Variants in STX1A observed in about 807,000 individuals in gnomAD.
STX1A encodes syntaxin-1A.
A neutral mutation model predicts 37.8 loss-of-function variants in STX1A; 4 were observed. The ratio of observed to expected loss-of-function variants is 0.11; its 90% CI spans 0.05 to 0.24. The LOEUF (loss-of-function observed/expected upper bound fraction) is 0.24, where lower values mean the gene tolerates loss of function less well. Among genes scored for constraint, STX1A ranks in the 10% least tolerant of loss-of-function variants. The probability of loss-of-function intolerance (pLI) is 1.00; values close to 1 mark genes in which losing one functional copy is unlikely to be tolerated. For synonymous variants in STX1A, 135 were observed against 147.4 expected, an observed-to-expected ratio of 0.92 and a Z score of 0.61; for missense variants, 251 against 399.9, an observed-to-expected ratio of 0.63 and a Z score of 3.18.
rs1554616498 is a variant in STX1A, at chr7:73,704,428, G to A, written c.284-5C>T. The A allele has an allele frequency of 6.2e-7, 1 of 1,614,080 alleles. No individual in the cohort carries two copies. The highest frequency in any genetic ancestry group is 1.1e-5 in the South Asian group (1 of 91,064). ...GCTCGATGGACTGCTCGATGCCTGG[G>A]GGCACAGGTGGCTGCTAAGTCATAA... is the stretch of plus-strand genomic sequence containing the variant. On this transcript the variant is annotated splice_region_variant and splice_polypyrimidine_tract_variant and intron_variant, in intron 4 of 9. Transcript: ENST00000222812.
At chr7:73,708,543 C>T (rs782405404) in intron 3 of STX1A, 46 bp downstream of exon 3, 57 of 1,573,006 alleles carry the variant, frequency 3.6e-5, no homozygotes, top group East Asian at 4.7e-5. Flanking sequence ...AGCCCCTTCC[C>T]GAGGCTTGTG....
In STX1A at chr7:73,705,843, A is replaced by C. The variant is rs1798852848; in HGVS notation, c.209-619T>G. ...CCCTCAGGTCCAAAGAGGTGGGCAC[A>C]GTTGGCCCTGGCCGTGGCAGGTAGC... On this transcript the variant is annotated intron_variant, in intron 3 of 9. Transcript: ENST00000222812. The surrounding 1 kb of genome is among the most constrained non-coding windows in gnomAD (Gnocchi z 5.2). The C allele has an allele frequency of 6.5e-6, 1 of 153,380 alleles. No homozygotes were observed. The highest frequency in any genetic ancestry group is 6.5e-5 in the Admixed American group (1 of 15,408). The allele number at this position is 153,380 out of a possible 1,614,324, so 9.5% of individuals were successfully genotyped here.
chr7:73,708,262 C>CAAA (rs1157786155), intron 3 of STX1A, among the ~76,000 whole-genome samples: 3 of 49,758 alleles, frequency 6.0e-5, no homozygotes, highest in Non-Finnish European at 1.2e-4. Flanking sequence ...GACTCCATCT[C>CAAA]AAAAAAAAAA....
chr7:73,703,389 G>T (rs1486888211), intron 7 of STX1A: 1 of 577,068 alleles, frequency 1.7e-6, no homozygotes, highest in South Asian at 1.5e-5. Flanking sequence ...CCCCAAGCCT[G>T]CCTCGAACAC....
Position 73,709,091 on chromosome 7 carries a change from G to A in STX1A, c.62C>T (p.Ala21Val), listed in dbSNP as rs567231961. The part of the protein sequence containing the change: ...AKDSDDDDDV[A>V]VTVDRDRFMD... ...GAAGCGGTCTCGGTCCACGGTGACA[G>A]CGACATCATCATCATCATCGCTGTC... The change falls in exon 2 of 10, where the codon GCT becomes GTT. Residue 21 changes from alanine (A) to valine (V), a missense_variant. This residue lies in a region of STX1A where 37 missense variants were observed against 32.3 expected (regional missense o/e 1.15). Transcript: ENST00000222812. The surrounding 1 kb of genome is among the most constrained non-coding windows in gnomAD (Gnocchi z 4.2). The A allele has an allele frequency of 3.2e-5, 51 of 1,613,990 alleles. 1 individual carries two copies. The South Asian group carries it at 5.6e-4, about 18-fold the overall frequency.
rs782731994 is a variant in STX1A, at chr7:73,704,345, C to T, written c.357+5G>A. 4.2e-5 allele frequency: 67 copies of T among 1,613,998 alleles called. No homozygotes were observed. The highest frequency in any genetic ancestry group is 3.9e-5 in the Non-Finnish European group (46 of 1,180,032). ...GCCCGCCCATCCTAGACTCCGTGGC[C>T]GCACCTGTGTCTTCCGGATCCTCAG... On this transcript the variant is annotated splice_donor_5th_base_variant and intron_variant, in intron 5 of 9. Coordinates refer to ENST00000222812, the MANE Select transcript of STX1A (RefSeq NM_004603.4).
intron 7 of STX1A, 61 bp from the exon 8 acceptor site, chr7:73,703,043 G>A (rs1187473254): frequency 3.5e-4 from 460 of 1,314,880 alleles, no homozygotes; most frequent in Non-Finnish European, 4.4e-4. Context: ...GCAGAGGGCC[G>A]AGGGGGAGGG....
Position 73,719,616 on chromosome 7 carries a change from G to C in STX1A, c.16C>G (p.Gln6Glu). 1 of 1,204,632 alleles carries C rather than the reference G, an allele frequency of 8.3e-7. No individual in the cohort carries two copies. Among genetic ancestry groups the C allele is most frequent in the Non-Finnish European group, 1.0e-6 (1 of 965,154 alleles). 74.6% of individuals were successfully genotyped at this position (1,204,632 alleles called of 1,614,324 possible). The change falls in exon 1 of 10, where the codon CAG (glutamine) becomes GAG (glutamate). Residue 6 changes from glutamine (Q) to glutamate (E), a missense_variant. Physicochemically the swap from Gln to Glu is conservative, Grantham distance 29. Transcript: ENST00000222812. The stretch of plus-strand genomic sequence containing the variant: ...GCCGGACTCACCGTGCGGAGCTCCT[G>C]GGTTCGGTCCTTCATGCTCCCGGGA... Reference protein sequence around the residue: MKDRTQELRTAKDSDD... With the variant: MKDRTEELRTAKDSDD...
chr7:73,713,930 G>A (rs185522840), intron 1 of STX1A, among the ~76,000 whole-genome samples: 1 of 152,286 alleles, frequency 6.6e-6, no homozygotes, highest in Admixed American at 6.5e-5. Flanking sequence ...TCTTACGGAC[G>A]GATGTGCCCA....
At chr7:73,701,554 C>T (rs1798656591) in intron 8 of STX1A, among the ~76,000 whole-genome samples, 1 of 151,936 alleles carries the variant, frequency 6.6e-6, no homozygotes, top group African/African-American at 2.4e-5. Flanking sequence ...AAAATAGAAC[C>T]CCCTGCCCAG....
In STX1A at chr7:73,709,399, C is replaced by T. The variant is rs1799011499; in HGVS notation, c.31-277G>A. Among the ~76,000 whole-genome samples the T allele has an allele frequency of 6.6e-6, 1 of 152,162 alleles. No homozygotes were observed. Among genetic ancestry groups the T allele is most frequent in the Non-Finnish European group, 1.5e-5 (1 of 68,020 alleles). ...AGGGACTTCCTCCCTCACCTATCTG[C>T]CTGCCCCCTCCCTGTGGCTGGGGAG... On this transcript the variant is annotated intron_variant, in intron 1 of 9. Coordinates refer to ENST00000222812, the MANE Select transcript of STX1A (RefSeq NM_004603.4). The surrounding 1 kb of genome is among the most constrained non-coding windows in gnomAD (Gnocchi z 4.2).
chr7:73,713,886 G>A (rs1232836353), intron 1 of STX1A, among the ~76,000 whole-genome samples: 1 of 152,222 alleles, frequency 6.6e-6, no homozygotes, highest in Non-Finnish European at 1.5e-5. Flanking sequence ...GGTGGCAGCT[G>A]GAACTGTGGG....
chr7:73,703,908 C>T, intron 6 of STX1A, 80 bp from the exon 7 acceptor site: 2 of 1,490,292 alleles, frequency 1.3e-6, no homozygotes, highest in Non-Finnish European at 9.0e-7. Flanking sequence ...CCCCTCCGTC[C>T]CAGGCCCGGG....
chr7:73,701,550 G>A (rs1452343754), intron 8 of STX1A, among the ~76,000 whole-genome samples: 3 of 150,834 alleles, frequency 2.0e-5, no homozygotes, highest in Non-Finnish European at 4.4e-5. Context: ...AAAAAAAATA[G>A]AACCCCCTGC....
intron 1 of STX1A, among the ~76,000 whole-genome samples, chr7:73,712,666 C>T (rs923470612): frequency 5.3e-5 from 8 of 152,146 alleles, no homozygotes; most frequent in Non-Finnish European, 1.0e-4. Context: ...CTCGGGCAGC[C>T]CCAACTGTTA....
intron 6 of STX1A, 122 bp downstream of exon 6, chr7:73,704,026 C>T (rs1584243131): frequency 2.4e-6 from 3 of 1,232,460 alleles, no homozygotes; most frequent in Admixed American, 4.7e-5. Context: ...TCAGCAGCTG[C>T]CTCGGGCCAC....
rs782175164 is a variant in STX1A at position 73,700,757 on chromosome 7, G to A, written c.762C>T (p.Ala254=). 31 of 1,613,704 alleles carry A rather than the reference G, an allele frequency of 1.9e-5. No homozygotes were observed. Among genetic ancestry groups the A allele is most frequent in the African/African-American group, 6.7e-5 (5 of 74,860 alleles). The change falls in exon 9 of 10, where the codon GCC becomes GCT. Residue 254 remains alanine, a synonymous_variant. Transcript: ENST00000222812. The surrounding 1 kb of genome is among the most constrained non-coding windows in gnomAD (Gnocchi z 4.4). The stretch of plus-strand genomic sequence containing the variant: ...GGCGCGCCTTGCTCTGGTACTTGAC[G>A]GCCTTCTTGGTGTCAGACACGGCCC... The part of the protein sequence containing the change: ...VERAVSDTKK[A]VKYQSKARRK...
intron 4 of STX1A, chr7:73,704,949 G>A: frequency 1.6e-6 from 1 of 634,652 alleles, no homozygotes. Context: ...GCCTTAGGTG[G>A]GTGTGTCCCT....
In STX1A at chr7:73,705,292, TC is replaced by T; in HGVS notation, c.209-69del. The T allele has an allele frequency of 7.3e-7, 1 of 1,366,678 alleles. No individual in the cohort carries two copies. Among genetic ancestry groups the T allele is most frequent in the Non-Finnish European group, 1.0e-6 (1 of 958,338 alleles). The allele number at this position is 1,366,678 out of a possible 1,614,324, so 84.7% of individuals were successfully genotyped here. On this transcript the variant is annotated intron_variant, in intron 3 of 9. Coordinates refer to ENST00000222812, the MANE Select transcript of STX1A (RefSeq NM_004603.4). The surrounding 1 kb of genome is among the most constrained non-coding windows in gnomAD (Gnocchi z 5.2). ...CGGGGACTGATGTGCAGGCTCAGCCTCCAGCCCAGGGGGCCCAGTGGGAGGC... is the reference window on the plus strand; with the variant it reads ...CGGGGACTGATGTGCAGGCTCAGCCTCAGCCCAGGGGGCCCAGTGGGAGGC...
Sources: allele counts gnomAD v4.1 joint callset (sites outside exome capture counted in the v4.1 genomes callset), GRCh38; gene constraint gnomAD v4.1.1; regional missense constraint gnomAD v4.1.1; non-coding constraint Gnocchi (gnomAD v3.1); transcripts MANE v1.5; gene names NCBI Gene and HGNC (gene_info 2026-07-23, HGNC 2026-07-21).